ADAMTS3: variants seen among roughly 807,000 people sequenced by gnomAD.
The protein encoded by ADAMTS3 is ADAM metallopeptidase with thrombospondin type 1 motif 3.
A neutral mutation model predicts 129.0 loss-of-function variants in ADAMTS3; 73 were observed. The observed-to-expected ratio is 0.57, with a 90% CI of 0.47 to 0.69. ADAMTS3 has a LOEUF of 0.69. Among genes scored for constraint, ADAMTS3 ranks in the 30% least tolerant of loss-of-function variants. The pLI is 0.00. For missense variants in ADAMTS3, 1,457 were observed against 1,514.5 expected, an observed-to-expected ratio of 0.96 and a Z score of 0.63; for synonymous variants, 477 against 510.8, an observed-to-expected ratio of 0.93 and a Z score of 0.89.
chr4:72,335,258 C>T (rs764748907), intron 5 of ADAMTS3, among the ~76,000 whole-genome samples: 22 of 152,112 alleles, frequency 1.4e-4, no homozygotes, highest in Non-Finnish European at 2.5e-4. Flanking sequence ...AAGTACTTTA[C>T]ATAAATTATT....
chr4:72,541,704 T>A (rs1430659059), intron 3 of ADAMTS3, among the ~76,000 whole-genome samples: 1 of 152,168 alleles, frequency 6.6e-6, no homozygotes, highest in Non-Finnish European at 1.5e-5. Flanking sequence ...CTGATGGTTT[T>A]ACAAAGGGCA....
intron 4 of ADAMTS3, among the ~76,000 whole-genome samples, chr4:72,372,795 GA>G (rs148200835): frequency 1.3e-5 from 2 of 151,996 alleles, no homozygotes; most frequent in Middle Eastern, 3.5e-3. Flanking sequence ...TGCTATTGAG[GA>G]AAAAAATAGG....
intron 3 of ADAMTS3, among the ~76,000 whole-genome samples, chr4:72,511,568 T>C (rs1299162709): frequency 6.6e-6 from 1 of 152,188 alleles, no homozygotes; most frequent in African/African-American, 2.4e-5. Context: ...CAATGCGATA[T>C]TATCTCACCT....
chr4:72,356,098 T>C (rs1720574965), intron 4 of ADAMTS3, among the ~76,000 whole-genome samples: 1 of 152,028 alleles, frequency 6.6e-6, no homozygotes, highest in Non-Finnish European at 1.5e-5. Flanking sequence ...ATACAGCAAG[T>C]GATCAATAAA....
intron 3 of ADAMTS3, among the ~76,000 whole-genome samples, chr4:72,525,969 G>C (rs1307228584): frequency 1.3e-5 from 2 of 152,128 alleles, no homozygotes; most frequent in Admixed American, 6.5e-5. Context: ...AAAACAAGGG[G>C]GTAGAGAGGG....
chr4:72,464,039 A>G (rs1475907295), intron 3 of ADAMTS3, among the ~76,000 whole-genome samples: 2 of 151,966 alleles, frequency 1.3e-5, no homozygotes, highest in Non-Finnish European at 2.9e-5. Context: ...GCTTTTATTG[A>G]AAGGTGCTAC....
At chr4:72,415,436 G>A (rs1722279999) in intron 3 of ADAMTS3, among the ~76,000 whole-genome samples, 1 of 151,896 alleles carries the variant, frequency 6.6e-6, no homozygotes, top group Admixed American at 6.6e-5. Flanking sequence ...AGTGGCATGA[G>A]AGAAATGAGT....
intron 4 of ADAMTS3, among the ~76,000 whole-genome samples, chr4:72,380,085 T>C (rs1721244744): frequency 6.6e-6 from 1 of 152,104 alleles, no homozygotes; most frequent in Non-Finnish European, 1.5e-5. Flanking sequence ...CAAAGGGTAT[T>C]ATGTAATTCT....
At chr4:72,303,113 GC>G (rs1228433234) in intron 17 of ADAMTS3, among the ~76,000 whole-genome samples, 1 of 152,116 alleles carries the variant, frequency 6.6e-6, no homozygotes, top group East Asian at 1.9e-4. Flanking sequence ...ACCTCACGCA[GC>G]TGCCTCCCTT....
intron 17 of ADAMTS3, among the ~76,000 whole-genome samples, chr4:72,302,798 G>T (rs1055876899): frequency 6.6e-6 from 1 of 152,118 alleles, no homozygotes; most frequent in Non-Finnish European, 1.5e-5. Flanking sequence ...ATTACATGCA[G>T]TGCAGCAATA....
chr4:72,329,184 A>T (rs2109819373), intron 5 of ADAMTS3, among the ~76,000 whole-genome samples: 1 of 152,324 alleles, frequency 6.6e-6, no homozygotes, highest in African/African-American at 2.4e-5. Flanking sequence ...ATAAGCATGA[A>T]AAAAAATGAA....
chr4:72,449,723 G>A (rs1367094485), intron 3 of ADAMTS3, among the ~76,000 whole-genome samples: 1 of 151,606 alleles, frequency 6.6e-6, no homozygotes, highest in Non-Finnish European at 1.5e-5. Flanking sequence ...TTTTACTCTG[G>A]CTTACACAGC....
At chr4:72,565,295 T>C (rs1000444862) in intron 2 of ADAMTS3, among the ~76,000 whole-genome samples, 3 of 152,214 alleles carry the variant, frequency 2.0e-5, no homozygotes, top group African/African-American at 7.2e-5. Context: ...TATTTGTCTT[T>C]CCTAATGTAT....
chr4:72,522,173 TAC>T (rs1720691818), intron 3 of ADAMTS3, among the ~76,000 whole-genome samples: 1 of 152,138 alleles, frequency 6.6e-6, no homozygotes, highest in Non-Finnish European at 1.5e-5. Flanking sequence ...ATCCTTCTCC[TAC>T]ACACAAATCC....
At chr4:72,519,033 G>T (rs1475735300) in intron 3 of ADAMTS3, among the ~76,000 whole-genome samples, 6 of 150,780 alleles carry the variant, frequency 4.0e-5, no homozygotes, top group Admixed American at 2.6e-4. Flanking sequence ...GGCAGGCCTG[G>T]TGGTGACAAA....
At position 72,347,943 on chromosome 4, in the gene ADAMTS3, T is replaced by C. The variant is rs571779057; in HGVS notation, c.662-8250A>G. Among the ~76,000 whole-genome samples the C allele has an allele frequency of 1.2e-4, 19 of 152,156 alleles. No individual in the cohort carries two copies. The East Asian group carries it at 2.9e-3, about 23-fold the overall frequency. On this transcript the variant is annotated intron_variant, in intron 4 of 21. Coordinates refer to ENST00000286657, the MANE Select transcript of ADAMTS3 (RefSeq NM_014243.3). ...CACCTATATGCAACTTTAGTAAGGA[T>C]AGAAAAGCTCTTCACCTCAAACTTC...
chr4:72,362,714 C>G (rs993841235), intron 4 of ADAMTS3, among the ~76,000 whole-genome samples: 1 of 152,008 alleles, frequency 6.6e-6, no homozygotes. Flanking sequence ...TTTGGAAAAC[C>G]TTAATCATGA....
At chr4:72,483,671 A>G (rs972549962) in intron 3 of ADAMTS3, among the ~76,000 whole-genome samples, 7 of 152,214 alleles carry the variant, frequency 4.6e-5, no homozygotes, top group Non-Finnish European at 8.8e-5. Flanking sequence ...AAACAATATA[A>G]TTGTTTGGAT....
At chr4:72,360,589 G>C (rs1720696945) in intron 4 of ADAMTS3, among the ~76,000 whole-genome samples, 1 of 151,820 alleles carries the variant, frequency 6.6e-6, no homozygotes, top group Admixed American at 6.6e-5. Context: ...CCAAAGAGAA[G>C]ATTGCCAGTG....
Sources: gnomAD v4.1 joint callset for allele counts (sites outside exome capture counted in the v4.1 genomes callset) on GRCh38, gnomAD v4.1.1 for gene constraint, MANE v1.5 for transcripts, NCBI Gene and HGNC (gene_info 2026-07-23, HGNC 2026-07-21) for gene names.